GDI2: variants seen among roughly 807,000 people sequenced by gnomAD.
The protein encoded by GDI2 is rab GDP dissociation inhibitor beta.
In GDI2, 22 loss-of-function variants were observed where a neutral mutation model predicts 54.2. That is an observed-to-expected ratio of 0.41 (90% confidence interval 0.29 to 0.58). GDI2 has a LOEUF of 0.58. Ranked by LOEUF, GDI2 falls within the 20% of genes least tolerant of loss-of-function variation. The pLI is 0.35. For synonymous variants in GDI2, 177 were observed against 182.1 expected (o/e 0.97, Z 0.23); for missense variants, 422 against 546.0 (o/e 0.77, Z 2.26).
chr10:5,800,619 T>A lies in GDI2; in HGVS notation c.132A>T (p.Ala44=). ...TTACATCTTCCAATGGTGTTATAGA[T>A]GCACTCTCTCCTCCGTAGTAAGGGT... ...DRNPYYGGES[A]SITPLEDLYK... is the part of the protein sequence containing the mutation. Residue 44 remains alanine (A), a synonymous_variant, in exon 2 of 11, where the codon GCA becomes GCT. Coordinates refer to ENST00000380191, the MANE Select transcript of GDI2 (RefSeq NM_001494.4). 2 of 1,563,974 alleles carry A rather than the reference T, an allele frequency of 1.3e-6. No homozygotes were observed. Among genetic ancestry groups the A allele is most frequent in the Non-Finnish European group, 1.8e-6 (2 of 1,134,136 alleles).
At chr10:5,794,188 A>AAAATATATATAT (rs1448053813) in intron 4 of GDI2, among the ~76,000 whole-genome samples, 1 of 40,346 alleles carries the variant, frequency 2.5e-5, no homozygotes, top group African/African-American at 1.0e-4. Flanking sequence ...AAAAAAAAAA[A>AAAATATATATAT]ATATATATAT....
chr10:5,789,295 TTA>T (rs1840953490), intron 4 of GDI2, among the ~76,000 whole-genome samples: 1 of 151,994 alleles, frequency 6.6e-6, no homozygotes, highest in African/African-American at 2.4e-5. Context: ...TACAGGGGTC[TTA>T]CTATGTTGCC....
chr10:5,765,653 C>G lies in GDI2; in HGVS notation c.*353G>C, dbSNP rs1011744413. ...CCTCAAGAGGACAGATGACACACAACCTGTATGGATCCAGCTCTTGAGCAG... is the reference window on the plus strand; with the variant it reads ...CCTCAAGAGGACAGATGACACACAAGCTGTATGGATCCAGCTCTTGAGCAG... On this transcript the variant is annotated 3_prime_UTR_variant, in exon 11 of 11. Transcript: ENST00000380191. The G allele has an allele frequency of 5.6e-6, 1 of 178,180 alleles. No individual in the cohort carries two copies. The highest frequency in any genetic ancestry group is 2.4e-5 in the African/African-American group (1 of 42,098). The allele number at this position is 178,180 out of a possible 1,614,324, so 11.0% of individuals were successfully genotyped here. A position where few individuals can be genotyped will look rare whatever the true frequency, so the allele number is the denominator to read the frequency against.
rs1840627552 is a variant in GDI2, at chr10:5,776,624, A to G, written c.720-2683T>C. ...CAAGGCTGAAAAGGGCAGACTTCTA[A>G]ATGGTCCAATAGAAAAGGAGCTGGA... On this transcript the variant is annotated intron_variant, in intron 6 of 10. Transcript: ENST00000380191. The surrounding 1 kb of genome is among the most constrained non-coding windows in gnomAD (Gnocchi z 5.3). 1 of 1,501,022 alleles carries G rather than the reference A, an allele frequency of 6.7e-7. No homozygotes were observed. The highest frequency in any genetic ancestry group is 9.3e-7 in the Non-Finnish European group (1 of 1,080,862). The allele number at this position is 1,501,022 out of a possible 1,614,324, so 93.0% of individuals were successfully genotyped here.
rs1180329509 is a variant in GDI2 at position 5,766,447 on chromosome 10, A to G, written c.1136+47T>C. ...TTCGTCCCACCATGGAGCCACAATC[A>G]AAGGCCTCAGTTTGCATCTCGGCAG... On this transcript the variant is annotated intron_variant, in intron 9 of 10. Coordinates refer to ENST00000380191, the MANE Select transcript of GDI2 (RefSeq NM_001494.4). This position sits in a 1 kb window ranked among gnomAD's most constrained non-coding sequence, Gnocchi z 5.8. The G allele has an allele frequency of 2.5e-6, 4 of 1,606,242 alleles. No homozygotes were observed. Among genetic ancestry groups the G allele is most frequent in the Non-Finnish European group, 1.7e-6 (2 of 1,174,090 alleles).
chr10:5,802,794 GA>G (rs1841298681), intron 1 of GDI2, among the ~76,000 whole-genome samples: 2 of 152,120 alleles, frequency 1.3e-5, no homozygotes, highest in African/African-American at 4.8e-5. Flanking sequence ...AATAACGGGT[GA>G]ATGAAATTAC....
chr10:5,768,245 A>C lies in GDI2; in HGVS notation c.959T>G (p.Ile320Ser). The C allele has an allele frequency of 6.2e-7, 1 of 1,613,518 alleles. No individual in the cohort carries two copies. Among genetic ancestry groups the C allele is most frequent in the Middle Eastern group, 1.6e-4 (1 of 6,062 alleles). ...TCGATTGACTTGGTTCTGTGGAATA[A>C]TGATCTGGCAGGAGTTGGCATCATT... ...NTNDANSCQI[I>S]IPQNQVNRKS... is the part of the protein sequence containing the mutation. The change falls in exon 8 of 11, where the codon ATT becomes AGT. Residue 320 changes from isoleucine (I) to serine (S), a missense_variant. Physicochemically the swap from Ile to Ser is moderately radical, Grantham distance 142. Transcript: ENST00000380191. The surrounding 1 kb of genome is among the most constrained non-coding windows in gnomAD (Gnocchi z 4.4).
At chr10:5,767,501 T>G (rs1840377983) in intron 8 of GDI2, among the ~76,000 whole-genome samples, 2 of 152,072 alleles carry the variant, frequency 1.3e-5, no homozygotes, top group South Asian at 2.1e-4. Flanking sequence ...TTGTTTTTTG[T>G]TTTTGTAGAG....
chr10:5,771,411 G>C (rs1840485499), intron 7 of GDI2, among the ~76,000 whole-genome samples: 1 of 152,206 alleles, frequency 6.6e-6, no homozygotes, highest in East Asian at 1.9e-4. Flanking sequence ...TGTGGTGGCA[G>C]ACATCACGAA....
intron 3 of GDI2, 64 bp downstream of exon 3, chr10:5,796,699 G>C (rs1015509817): frequency 3.4e-5 from 29 of 841,682 alleles, no homozygotes; most frequent in African/African-American, 2.8e-4. Flanking sequence ...TCTGTCAAAA[G>C]TTAGTTTTGA....
intron 1 of GDI2, among the ~76,000 whole-genome samples, chr10:5,812,826 C>T (rs923000345): frequency 7.2e-5 from 11 of 152,234 alleles, no homozygotes; most frequent in African/African-American, 2.2e-4. Context: ...CTGCACCGTC[C>T]CCTCCGCCTC....
At chr10:5,812,878 G>A (rs746044526) in intron 1 of GDI2, among the ~76,000 whole-genome samples, 31 of 152,220 alleles carry the variant, frequency 2.0e-4, no homozygotes, top group African/African-American at 6.8e-4. Flanking sequence ...GGCCCAAACC[G>A]GGGAGCGGGA....
chr10:5,771,587 T>C (rs994435969), intron 7 of GDI2, among the ~76,000 whole-genome samples: 29 of 151,842 alleles, frequency 1.9e-4, no homozygotes, highest in African/African-American at 6.8e-4. Context: ...GTGGGTGTCC[T>C]GACAAAAAAT....
chr10:5,789,099 T>G (rs543180115), intron 4 of GDI2, among the ~76,000 whole-genome samples: 1 of 151,690 alleles, frequency 6.6e-6, no homozygotes, highest in South Asian at 2.1e-4. Context: ...CTACGTTTTA[T>G]TTTACTTGAT....
intron 1 of GDI2, among the ~76,000 whole-genome samples, chr10:5,807,031 A>G (rs868735909): frequency 6.6e-6 from 1 of 152,224 alleles, no homozygotes; most frequent in African/African-American, 2.4e-5. Flanking sequence ...CTTCAAAGGC[A>G]CCACTTGGAG....
chr10:5,786,086 C>T (rs764972291), intron 4 of GDI2, 36 bp from the exon 5 acceptor site: 1 of 1,386,432 alleles, frequency 7.2e-7, no homozygotes, highest in Non-Finnish European at 1.0e-6. Flanking sequence ...AGCACACTCA[C>T]AATCAGACAT....
chr10:5,792,909 TA>T (rs1246386041), intron 4 of GDI2, among the ~76,000 whole-genome samples: 1 of 123,828 alleles, frequency 8.1e-6, no homozygotes, highest in Non-Finnish European at 1.7e-5. Flanking sequence ...TTAATATAAG[TA>T]AGAGCTCCAA....
chr10:5,766,364 C>T lies in GDI2; in HGVS notation c.1137-69G>A. The T allele has an allele frequency of 6.7e-7, 1 of 1,487,520 alleles. No homozygotes were observed. The highest frequency in any genetic ancestry group is 1.7e-5 in the Admixed American group (1 of 59,870). 92.1% of individuals were successfully genotyped at this position (1,487,520 alleles called of 1,614,324 possible). A position where few individuals can be genotyped will look rare whatever the true frequency, so the allele number is the denominator to read the frequency against. On this transcript the variant is annotated intron_variant, in intron 9 of 10. Transcript: ENST00000380191. This position sits in a 1 kb window ranked among gnomAD's most constrained non-coding sequence, Gnocchi z 5.8. Reference sequence around the variant, plus strand: ...TGACCATGGCTCTGCCTGAGGTCAACTGAGAGGTACAGATGAATCCCACAG... The same window carrying T: ...TGACCATGGCTCTGCCTGAGGTCAATTGAGAGGTACAGATGAATCCCACAG...
rs761007931 is a variant in GDI2, at chr10:5,773,900, G to T, written c.761C>A (p.Pro254His). ...IYGGTYMLNKPIEEIIVQNGK... is the reference protein window; with the variant it reads ...IYGGTYMLNKHIEEIIVQNGK... ...ATTCTGTACAATGATTTCTTCAATG[G>T]GTTTATTCAGCATATAGGTACCTCC... Residue 254 changes from proline to histidine, a missense_variant, in exon 7 of 11, where the codon CCC (proline) becomes CAC (histidine). By Grantham distance (77) the Pro-to-His change is moderately conservative. Transcript: ENST00000380191. The T allele has an allele frequency of 7.0e-6, 11 of 1,562,054 alleles. No individual in the cohort carries two copies. Among genetic ancestry groups the T allele is most frequent in the Non-Finnish European group, 9.7e-6 (11 of 1,137,796 alleles).
Sources: allele counts gnomAD v4.1 joint callset (sites outside exome capture counted in the v4.1 genomes callset), GRCh38; gene constraint gnomAD v4.1.1; non-coding constraint Gnocchi (gnomAD v3.1); transcripts MANE v1.5; gene names NCBI Gene and HGNC (gene_info 2026-07-23, HGNC 2026-07-21).